The following DOCK2 variants were observed in gnomAD, a reference collection of about 807,000 sequenced individuals.
DOCK2 encodes dedicator of cytokinesis 2.
A neutral mutation model predicts 248.9 loss-of-function variants in DOCK2; 87 were observed. The ratio of observed to expected loss-of-function variants is 0.35; its 90% confidence interval spans 0.29 to 0.42. The LOEUF is 0.42. DOCK2 is among the 10% of genes least tolerant of loss of function. DOCK2 has a pLI of 1.00. For missense variants in DOCK2, 1,747 were observed against 2,300.2 expected (o/e 0.76, Z 4.92); for synonymous variants, 805 against 821.6 (o/e 0.98, Z 0.35).
intron 22 of DOCK2, among the ~76,000 whole-genome samples, chr5:169,744,794 C>T (rs984899595): frequency 6.6e-6 from 1 of 152,078 alleles, no homozygotes; most frequent in African/African-American, 2.4e-5. Flanking sequence ...GCCAGGGGGC[C>T]ATTCAGTTAT....
chr5:169,788,918 A>G (rs1216476546), intron 25 of DOCK2, among the ~76,000 whole-genome samples: 3 of 152,068 alleles, frequency 2.0e-5, no homozygotes, highest in African/African-American at 7.2e-5. Context: ...GGGATTTGTT[A>G]TGCAGATTAT....
chr5:169,789,613 T>A (rs971716821), intron 25 of DOCK2, among the ~76,000 whole-genome samples: 5 of 152,224 alleles, frequency 3.3e-5, no homozygotes, highest in Non-Finnish European at 7.3e-5. Context: ...CTTTTATTGC[T>A]GTAGAGTCCA....
chr5:169,908,037 T>C (rs368006675), intron 27 of DOCK2, among the ~76,000 whole-genome samples: 74 of 152,302 alleles, frequency 4.9e-4, no homozygotes, highest in African/African-American at 1.8e-3. Context: ...CTAGAAGCTG[T>C]GATGGAACAA....
chr5:169,961,842 G>T (rs1396398113), intron 27 of DOCK2, among the ~76,000 whole-genome samples: 1 of 151,806 alleles, frequency 6.6e-6, no homozygotes, highest in Non-Finnish European at 1.5e-5. Context: ...AGCTGAGTGT[G>T]GTGGCAGGCA....
rs540871930 is a variant in DOCK2, at chr5:169,682,031, G to A, written c.606+152G>A. 8 of 1,128,654 alleles carry A rather than the reference G, an allele frequency of 7.1e-6. No homozygotes were observed. In the East Asian group the frequency reaches 1.9e-4, roughly 27 times the overall value. 69.9% of individuals were successfully genotyped at this position (1,128,654 alleles called of 1,614,324 possible). Reference sequence around the variant, plus strand: ...TCAGCAACCACATGTGTTTAACTGTGGTTTCGTACTCAAATCTGTAATTCA... The same window carrying A: ...TCAGCAACCACATGTGTTTAACTGTAGTTTCGTACTCAAATCTGTAATTCA... On this transcript the variant is annotated intron_variant, in intron 7 of 51. Transcript: ENST00000520908.
chr5:169,971,428 CTTT>C (rs34124700), intron 27 of DOCK2, among the ~76,000 whole-genome samples: 28,980 of 135,112 alleles, frequency 0.21, 3,494 homozygotes, highest in East Asian at 0.45. Context: ...CTCCTAGAGC[CTTT>C]TTTTTTTTTT....
intron 39 of DOCK2, among the ~76,000 whole-genome samples, chr5:170,046,735 G>A (rs1041867644): frequency 1.3e-5 from 2 of 151,812 alleles, no homozygotes; most frequent in African/African-American, 4.8e-5. Flanking sequence ...CCACATAGAT[G>A]TTTGCCAATG....
chr5:170,030,050 A>G (rs138072221), intron 34 of DOCK2, among the ~76,000 whole-genome samples: 19 of 152,354 alleles, frequency 1.2e-4, no homozygotes, highest in African/African-American at 3.1e-4. Context: ...GGAATAAACA[A>G]TATTCTGGCT....
chr5:169,767,004 C>T (rs1039758342), intron 25 of DOCK2, among the ~76,000 whole-genome samples: 2 of 152,226 alleles, frequency 1.3e-5, no homozygotes, highest in African/African-American at 4.8e-5. Flanking sequence ...GATCTGCCTG[C>T]CTCAGCCTCC....
chr5:169,750,339 A>G (rs1224301068), intron 23 of DOCK2, among the ~76,000 whole-genome samples: 1 of 152,242 alleles, frequency 6.6e-6, no homozygotes, highest in African/African-American at 2.4e-5. Flanking sequence ...GCAAAGAGGA[A>G]CAAGTGAGCA....
At chr5:169,880,484 C>G (rs1475875973) in intron 27 of DOCK2, among the ~76,000 whole-genome samples, 3 of 152,194 alleles carry the variant, frequency 2.0e-5, no homozygotes, top group African/African-American at 4.8e-5. Flanking sequence ...CAAAACTGTT[C>G]ACTTTGGTCA....
chr5:169,702,237 T>C (rs1761010570), intron 13 of DOCK2, 66 bp from the exon 14 acceptor site: 7 of 1,577,626 alleles, frequency 4.4e-6, no homozygotes, highest in South Asian at 1.2e-5. Flanking sequence ...CCATCCCCTC[T>C]AGTTAGTCAG....
chr5:170,053,675 A>G (rs1332020157), intron 41 of DOCK2, among the ~76,000 whole-genome samples: 1 of 152,196 alleles, frequency 6.6e-6, no homozygotes, highest in African/African-American at 2.4e-5. Context: ...TCATAGAAAT[A>G]CCTTCACTGA....
At chr5:170,057,206 A>G in intron 43 of DOCK2, 1 of 376,510 alleles carries the variant, frequency 2.7e-6, no homozygotes, top group Non-Finnish European at 5.0e-6. Flanking sequence ...TCCAAGTCTC[A>G]GCTCTTTGGC....
At chr5:169,736,720 C>G (rs1348961172) in intron 22 of DOCK2, among the ~76,000 whole-genome samples, 1 of 152,190 alleles carries the variant, frequency 6.6e-6, no homozygotes, top group Non-Finnish European at 1.5e-5. Context: ...ACCTTTAACT[C>G]AGGATTTATT....
intron 47 of DOCK2, among the ~76,000 whole-genome samples, chr5:170,077,126 G>A (rs1269986570): frequency 3.9e-5 from 6 of 152,172 alleles, no homozygotes; most frequent in Non-Finnish European, 8.8e-5. Context: ...ACAGAGTGAG[G>A]TCCAGGAGGG....
rs191812293 is a variant in DOCK2, at chr5:169,937,320, C to T, written c.2800-45748C>T. ...GAGAACAAGTTTGCCAACCCGTAGA[C>T]TTGGGCTGCACCTTGGATCTATGGT... On this transcript the variant is annotated intron_variant, in intron 27 of 51. Transcript: ENST00000520908. 2.0e-5 allele frequency among the ~76,000 whole-genome samples: 3 copies of T among 152,324 alleles called. No homozygotes were observed. In the East Asian group the frequency reaches 5.8e-4, roughly 29 times the overall value.
intron 2 of DOCK2, among the ~76,000 whole-genome samples, chr5:169,660,821 A>C (rs781736624): frequency 1.3e-5 from 2 of 152,196 alleles, no homozygotes; most frequent in Non-Finnish European, 2.9e-5. Flanking sequence ...TTTCTTCAGT[A>C]AGGCTGCTCC....
At chr5:169,706,120 T>C (rs902208853) in intron 14 of DOCK2, among the ~76,000 whole-genome samples, 6 of 152,258 alleles carry the variant, frequency 3.9e-5, no homozygotes, top group African/African-American at 1.4e-4. Context: ...GCACTATCTT[T>C]GGCTTTTCTC....
Sources: allele counts gnomAD v4.1 joint callset (sites outside exome capture counted in the v4.1 genomes callset), GRCh38; gene constraint gnomAD v4.1.1; transcripts MANE v1.5; gene names NCBI Gene and HGNC (gene_info 2026-07-23, HGNC 2026-07-21).